Variants in PTPRJ observed in about 807,000 individuals in gnomAD.
PTPRJ encodes protein tyrosine phosphatase receptor type J, also known as receptor-type tyrosine-protein phosphatase eta.
A neutral mutation model predicts 141.3 loss-of-function variants in PTPRJ; 129 were observed. The ratio of observed to expected loss-of-function variants is 0.91; its 90% CI spans 0.79 to 1.06. The LOEUF is 1.06. PTPRJ is among the 50% of genes least tolerant of loss of function. The pLI is 0.00. For missense variants in PTPRJ, 1,601 were observed against 1,679.7 expected (o/e 0.95, Z 0.82); for synonymous variants, 610 against 640.5 (o/e 0.95, Z 0.72).
chr11:48,159,159 G>GTT (rs1403503169), intron 21 of PTPRJ, among the ~76,000 whole-genome samples: 9 of 119,116 alleles, frequency 7.6e-5, no homozygotes, highest in Non-Finnish European at 1.3e-4. Context: ...GTGTGTGTGT[G>GTT]TGGTCATTTG....
At chr11:48,137,956 C>T (rs1484802198) in intron 10 of PTPRJ, among the ~76,000 whole-genome samples, 2 of 152,212 alleles carry the variant, frequency 1.3e-5, no homozygotes, top group Non-Finnish European at 2.9e-5. Context: ...ATTGAGGATG[C>T]TTTCAGGGCA....
At chr11:47,988,849 G>C (rs961498937) in intron 1 of PTPRJ, among the ~76,000 whole-genome samples, 3 of 140,606 alleles carry the variant, frequency 2.1e-5, no homozygotes, top group African/African-American at 8.0e-5. Flanking sequence ...TTACATGTTT[G>C]CTAGTCTGAA....
chr11:47,983,695 A>G (rs934042500), intron 1 of PTPRJ, among the ~76,000 whole-genome samples: 4 of 152,108 alleles, frequency 2.6e-5, no homozygotes, highest in Admixed American at 6.5e-5. Context: ...GTTTGTGTGT[A>G]TGTTTTAGGC....
chr11:48,083,264 A>G (rs574860409), intron 1 of PTPRJ, among the ~76,000 whole-genome samples: 75 of 152,222 alleles, frequency 4.9e-4, no homozygotes, highest in South Asian at 2.1e-3. Context: ...TATCTCTACT[A>G]AAAATAAAAA....
intron 1 of PTPRJ, among the ~76,000 whole-genome samples, chr11:48,064,896 C>T (rs151185169): frequency 1.3e-5 from 2 of 151,746 alleles, no homozygotes; most frequent in African/African-American, 2.4e-5. Flanking sequence ...GCTAGGATTA[C>T]AGGCGTGAGC....
At chr11:48,005,797 G>A (rs1282175553) in intron 1 of PTPRJ, among the ~76,000 whole-genome samples, 1 of 152,224 alleles carries the variant, frequency 6.6e-6, no homozygotes, top group East Asian at 1.9e-4. Flanking sequence ...GCTGGGTTTA[G>A]GGCAAGCTTC....
intron 1 of PTPRJ, among the ~76,000 whole-genome samples, chr11:47,992,116 G>A (rs987286146): frequency 5.9e-5 from 9 of 151,992 alleles, no homozygotes; most frequent in African/African-American, 2.2e-4. Flanking sequence ...GTCCAATTCA[G>A]GTTTCATCTG....
At chr11:48,049,515 T>C (rs543491131) in intron 1 of PTPRJ, among the ~76,000 whole-genome samples, 1,644 of 140,936 alleles carry the variant, frequency 0.012, 36 homozygotes, top group African/African-American at 0.044. Context: ...CCGTCTCTAC[T>C]AAAACAAAAC....
In PTPRJ at chr11:48,153,768, A is replaced by C. The variant is rs376551549; in HGVS notation, c.3139-28A>C. The C allele has an allele frequency of 6.1e-5, 90 of 1,465,808 alleles. No individual in the cohort carries two copies. The African/African-American group carries it at 9.7e-4, about 16-fold the overall frequency. 90.8% of individuals were successfully genotyped at this position (1,465,808 alleles called of 1,614,324 possible). On this transcript the variant is annotated intron_variant, in intron 18 of 24. Transcript: ENST00000418331. ...TGAATAATATTTGAAGACTAAATAA[A>C]TGAACACCTCATTTGTTTTGTTTTC...
chr11:48,164,063 G>C (rs1857852112), intron 23 of PTPRJ, among the ~76,000 whole-genome samples: 2 of 152,216 alleles, frequency 1.3e-5, no homozygotes, highest in Admixed American at 1.3e-4. Flanking sequence ...CTGTTGCCCA[G>C]TGGGGAAAAA....
At chr11:48,061,119 G>A (rs941567619) in intron 1 of PTPRJ, among the ~76,000 whole-genome samples, 1 of 152,174 alleles carries the variant, frequency 6.6e-6, no homozygotes, top group African/African-American at 2.4e-5. Flanking sequence ...TGGGATTACA[G>A]GCATGTACCA....
intron 1 of PTPRJ, among the ~76,000 whole-genome samples, chr11:48,053,726 G>A (rs1321383703): frequency 1.3e-5 from 2 of 149,696 alleles, no homozygotes; most frequent in East Asian, 3.9e-4. Context: ...ACAGGTGTGT[G>A]CCACCATGCC....
chr11:48,102,388 AAGAT>A (rs1768420901), intron 1 of PTPRJ, among the ~76,000 whole-genome samples: 1 of 152,144 alleles, frequency 6.6e-6, no homozygotes, highest in Admixed American at 6.5e-5. Flanking sequence ...GCCAAAAAAC[AAGAT>A]TTAAAAAATG....
At position 48,169,955 on chromosome 11, in the gene PTPRJ, A is replaced by T. The variant is rs564029692; in HGVS notation, c.*2593A>T. On this transcript the variant is annotated 3_prime_UTR_variant, in exon 25 of 25. Transcript: ENST00000418331. ...CAGGGCCAGTGGGGGTGGTAAGGGTATTTATAGCACAGTGCTTGAAAAGGG... is the reference window on the plus strand; with the variant it reads ...CAGGGCCAGTGGGGGTGGTAAGGGTTTTTATAGCACAGTGCTTGAAAAGGG... 6.6e-6 allele frequency: 1 copy of T among 152,286 alleles called. No homozygotes were observed. Among genetic ancestry groups the T allele is most frequent in the South Asian group, 2.1e-4 (1 of 4,824 alleles). 9.4% of individuals were successfully genotyped at this position (152,286 alleles called of 1,614,324 possible). A position where few individuals can be genotyped will look rare whatever the true frequency, so the allele number is the denominator to read the frequency against.
At position 48,038,418 on chromosome 11, in the gene PTPRJ, GT is replaced by G. The variant is rs371129008; in HGVS notation, c.96+57418del. 3.2e-3 allele frequency among the ~76,000 whole-genome samples: 483 copies of G among 151,836 alleles called. 4 individuals carry two copies. Among genetic ancestry groups the G allele is most frequent in the African/African-American group, 0.011 (462 of 41,410 alleles). ...CTGGGGAGGACAGCCTTACTTTGGA[GT>G]TTTTTTTCTGATCAGTTACATGATG... On this transcript the variant is annotated intron_variant, in intron 1 of 24. Coordinates refer to ENST00000418331, the MANE Select transcript of PTPRJ (RefSeq NM_002843.4).
chr11:48,029,069 C>G (rs1853906903), intron 1 of PTPRJ, among the ~76,000 whole-genome samples: 1 of 152,102 alleles, frequency 6.6e-6, no homozygotes, highest in Non-Finnish European at 1.5e-5. Context: ...CAACATTGGC[C>G]CTAGGCCTGC....
At chr11:48,117,661 C>A (rs116822531) in intron 3 of PTPRJ, among the ~76,000 whole-genome samples, 2 of 146,676 alleles carry the variant, frequency 1.4e-5, no homozygotes, top group African/African-American at 5.1e-5. Flanking sequence ...TAATGTAGCA[C>A]GTTAAGGAAC....
rs897331626 is a variant in PTPRJ at position 48,143,113 on chromosome 11, G to A, written c.2575+63G>A. On this transcript the variant is annotated intron_variant, in intron 12 of 24. Coordinates refer to ENST00000418331, the MANE Select transcript of PTPRJ (RefSeq NM_002843.4). The stretch of plus-strand genomic sequence containing the variant: ...TGATGCAGTGACCAGAGCTTTCTCT[G>A]TGCCCACTGAGGCATGTGAGTAATG... The A allele has an allele frequency of 2.5e-4, 405 of 1,592,008 alleles. 2 individuals are homozygous for A. Among genetic ancestry groups the A allele is most frequent in the Non-Finnish European group, 4.2e-5 (49 of 1,167,376 alleles).
intron 2 of PTPRJ, 101 bp downstream of exon 2, chr11:48,110,177 C>A: frequency 7.8e-7 from 1 of 1,278,696 alleles, no homozygotes. Flanking sequence ...TTTATTAAAA[C>A]CTGCTCGGTT....
Sources: gnomAD v4.1 joint callset for allele counts (sites outside exome capture counted in the v4.1 genomes callset) on GRCh38, gnomAD v4.1.1 for gene constraint, MANE v1.5 for transcripts, NCBI Gene and HGNC (gene_info 2026-07-23, HGNC 2026-07-21) for gene names.